Variants in MATN1 observed in about 807,000 individuals in gnomAD.
MATN1 encodes matrilin-1.
Under a neutral mutation model 41.3 loss-of-function variants are expected in MATN1, and 34 were observed. The observed-to-expected ratio is 0.82, with a 90% CI of 0.63 to 1.10. MATN1 has a LOEUF of 1.10. Among genes scored for constraint, MATN1 ranks in the 50% least tolerant of loss-of-function variants. The pLI, the probability that MATN1 is intolerant of heterozygous loss-of-function variation, is 0.00. For missense variants in MATN1, 602 were observed against 662.4 expected (o/e 0.91, Z 1.00); for synonymous variants, 264 against 278.7 (o/e 0.95, Z 0.53).
intron 6 of MATN1, 60 bp from the exon 7 acceptor site, chr1:30,714,387 G>T: frequency 7.2e-7 from 1 of 1,394,798 alleles, no homozygotes; most frequent in Non-Finnish European, 1.0e-6. Flanking sequence ...CCCAGGAGGA[G>T]GGAGGACAGT....
chr1:30,716,854 G>A lies in MATN1; in HGVS notation c.726C>T (p.Pro242=), dbSNP rs200056806. The change falls in exon 4 of 8, where the codon CCC becomes CCT. Residue 242 remains proline (P), a synonymous_variant. Coordinates refer to ENST00000373765, the MANE Select transcript of MATN1 (RefSeq NM_002379.3). ...CGTGGCAGGCGCAGGTGTAGGAACC[G>A]GGGGAGCTGATGCACACCTGCTCAC... ...HDCEQVCISS[P]GSYTCACHEG... is the part of the protein sequence containing the mutation. 1.2e-4 allele frequency: 200 copies of A among 1,613,690 alleles called. 1 individual carries two copies. The East Asian group carries it at 2.4e-3, about 19-fold the overall frequency.
intron 2 of MATN1, chr1:30,719,173 AG>A (rs569037520): frequency 3.3e-4 from 167 of 512,576 alleles, no homozygotes; most frequent in African/African-American, 3.1e-3. Flanking sequence ...TCCCTCGGGC[AG>A]GCAGCTCTGA....
At chr1:30,713,824 C>T (rs1199919333) in intron 7 of MATN1, 193 bp from the exon 8 acceptor site, 3 of 625,684 alleles carry the variant, frequency 4.8e-6, no homozygotes, top group East Asian at 2.8e-5. Context: ...GAGTGCCCAG[C>T]CCTGCTCAGT....
chr1:30,715,206 G>A lies in MATN1; in HGVS notation c.1311C>T (p.Phe437=). 1 of 1,614,192 alleles carries A rather than the reference G, an allele frequency of 6.2e-7. No individual in the cohort carries two copies. Among genetic ancestry groups the A allele is most frequent in the African/African-American group, 1.3e-5 (1 of 75,036 alleles). Reference sequence around the variant, plus strand: ...TCTTGCCTATCTGGTTGATGGTCTTGAAGTCAGCCGTGTAGAAGTAGTGCT... The same window carrying A: ...TCTTGCCTATCTGGTTGATGGTCTTAAAGTCAGCCGTGTAGAAGTAGTGCT... ...VAEHYFYTAD[F]KTINQIGKKL... is the part of the protein sequence containing the mutation. Residue 437 remains phenylalanine, a synonymous_variant, in exon 6 of 8, where the codon TTC becomes TTT. Transcript: ENST00000373765.
chr1:30,718,522 C>A, intron 3 of MATN1: 1 of 330,522 alleles, frequency 3.0e-6, no homozygotes, highest in Non-Finnish European at 5.4e-6. Context: ...GTCTCCGCCT[C>A]CGCCCCCGGC....
At position 30,716,853 on chromosome 1, in the gene MATN1, C is replaced by T. The variant is rs138096521; in HGVS notation, c.727G>A (p.Gly243Ser). The T allele has an allele frequency of 1.3e-4, 217 of 1,613,934 alleles. 2 individuals are homozygous for T. Among genetic ancestry groups the T allele is most frequent in the South Asian group, 9.8e-4 (89 of 91,048 alleles). Residue 243 changes from glycine to serine, a missense_variant, in exon 4 of 8, where the codon GGT becomes AGT. Physicochemically the swap from Gly to Ser is moderately conservative, Grantham distance 56. Transcript: ENST00000373765. ...TCGTGGCAGGCGCAGGTGTAGGAACCGGGGGAGCTGATGCACACCTGCTCA... is the reference window on the plus strand; with the variant it reads ...TCGTGGCAGGCGCAGGTGTAGGAACTGGGGGAGCTGATGCACACCTGCTCA... ...DCEQVCISSP[G>S]SYTCACHEGF...
chr1:30,719,007 C>T (rs1639663363), intron 2 of MATN1, 50 bp from the exon 3 acceptor site: 4 of 1,398,416 alleles, frequency 2.9e-6, no homozygotes, highest in Non-Finnish European at 3.8e-6. Flanking sequence ...GCCCACGGGA[C>T]TGTCCAGGAG....
chr1:30,716,430 T>A (rs997063268), intron 4 of MATN1, 105 bp from the exon 5 acceptor site: 55 of 1,195,240 alleles, frequency 4.6e-5, no homozygotes, highest in Non-Finnish European at 6.2e-5. Context: ...CTGAGGATCA[T>A]TACATTGTGC....
intron 3 of MATN1, 115 bp from the exon 4 acceptor site, chr1:30,717,030 G>T: frequency 8.2e-7 from 1 of 1,213,792 alleles, no homozygotes; most frequent in Non-Finnish European, 1.1e-6. Context: ...GGGAAACTAA[G>T]ATCTCCAACA....
In MATN1 at chr1:30,723,309, C is replaced by A. The variant is rs1639718809; in HGVS notation, c.94+149G>T. On this transcript the variant is annotated intron_variant, in intron 1 of 7. Coordinates refer to ENST00000373765, the MANE Select transcript of MATN1 (RefSeq NM_002379.3). Reference sequence around the variant, plus strand: ...TAAGCACCATGGTCCCTGTCTGCTCCTGCACCAGCCCACTGCCCACCACTG... The same window carrying A: ...TAAGCACCATGGTCCCTGTCTGCTCATGCACCAGCCCACTGCCCACCACTG... 1.6e-5 allele frequency: 9 copies of A among 570,254 alleles called. No individual in the cohort carries two copies. In the East Asian group the frequency reaches 3.1e-4, roughly 20 times the overall value. 35.3% of individuals were successfully genotyped at this position (570,254 alleles called of 1,614,324 possible).
chr1:30,716,386 C>G (rs1639619259), intron 4 of MATN1, 61 bp from the exon 5 acceptor site: 1 of 1,518,624 alleles, frequency 6.6e-7, no homozygotes, highest in Non-Finnish European at 9.0e-7. Flanking sequence ...ATCCTGCTCC[C>G]CGGCTGGACA....
chr1:30,717,659 G>GT lies in MATN1; in HGVS notation c.665-745dup, dbSNP rs1463986293. 9.6e-4 allele frequency among the ~76,000 whole-genome samples: 91 copies of GT among 95,288 alleles called. 5 individuals carry two copies. Among genetic ancestry groups the GT allele is most frequent in the Middle Eastern group, 5.5e-3 (1 of 182 alleles). The allele number at this position is 95,288 out of a possible 152,430, so 62.5% of individuals were successfully genotyped here. ...TGTGTGCGGTTTTTTTTTTTGTTTT[G>GT]TTTTTTTTTTGAGACGGAGTCGTCT... On this transcript the variant is annotated intron_variant, in intron 3 of 7. Coordinates refer to ENST00000373765, the MANE Select transcript of MATN1 (RefSeq NM_002379.3).
intron 5 of MATN1, 116 bp from the exon 6 acceptor site, chr1:30,715,425 G>T: frequency 1.1e-6 from 1 of 917,800 alleles, no homozygotes. Context: ...GGCAGCTGCT[G>T]GAATTGCAAG....
chr1:30,714,198 C>A, intron 7 of MATN1, 49 bp downstream of exon 7: 4 of 1,424,696 alleles, frequency 2.8e-6, no homozygotes, highest in Non-Finnish European at 3.9e-6. Flanking sequence ...CCTCCCCCAA[C>A]ACTGGCCTGC....
chr1:30,716,347 C>G (rs116244983), intron 4 of MATN1, 22 bp from the exon 5 acceptor site: 1 of 1,604,062 alleles, frequency 6.2e-7, no homozygotes, highest in Non-Finnish European at 8.5e-7. Context: ...AGGAAGGCAA[C>G]GGGCTGAAGC....
chr1:30,720,470 C>G (rs903593791), intron 2 of MATN1: 1 of 152,288 alleles, frequency 6.6e-6, no homozygotes, highest in Admixed American at 6.5e-5. Flanking sequence ...AATGCTTTTC[C>G]CACTTATTGG....
At chr1:30,716,766 C>A (rs765935907) in intron 4 of MATN1, 24 bp downstream of exon 4, 20 of 1,611,092 alleles carry the variant, frequency 1.2e-5, no homozygotes, top group South Asian at 2.2e-5. Context: ...CTCTCCAGGG[C>A]GAGCCTGTGT....
In MATN1 at chr1:30,713,239, G is replaced by A; in HGVS notation, c.*343C>T. On this transcript the variant is annotated 3_prime_UTR_variant, in exon 8 of 8. Coordinates refer to ENST00000373765, the MANE Select transcript of MATN1 (RefSeq NM_002379.3). ...ATTCACAGCACTCAGAGTCAAGAAA[G>A]GGTTAACTAAAAAAGATGGGAATAT... is the stretch of plus-strand genomic sequence containing the variant. The A allele has an allele frequency of 3.7e-6, 1 of 270,986 alleles. No homozygotes were observed. The highest frequency in any genetic ancestry group is 7.2e-5 in the South Asian group (1 of 13,936). The allele number at this position is 270,986 out of a possible 1,614,324, so 16.8% of individuals were successfully genotyped here. A position where few individuals can be genotyped will look rare whatever the true frequency, so the allele number is the denominator to read the frequency against.
At chr1:30,713,726 C>T (rs1028875975) in intron 7 of MATN1, 95 bp from the exon 8 acceptor site, 10 of 910,244 alleles carry the variant, frequency 1.1e-5, no homozygotes, top group Middle Eastern at 2.5e-4. Context: ...CCCACTACAG[C>T]GTGCATTCTC....
Sources: allele counts gnomAD v4.1 joint callset (sites outside exome capture counted in the v4.1 genomes callset), GRCh38; gene constraint gnomAD v4.1.1; transcripts MANE v1.5; gene names NCBI Gene and HGNC (gene_info 2026-07-23, HGNC 2026-07-21).